BRD10: variants seen among roughly 807,000 people sequenced by gnomAD.
The protein encoded by BRD10 is bromodomain containing 10.
At chr9:5,988,394 C>T in the BRD10 span, 3 of 1,613,772 alleles carry the variant, frequency 1.9e-6, no homozygotes, top group Non-Finnish European at 2.5e-6. Context: ...AAAACTTGAA[C>T]CATTATAGAT....
At chr9:5,921,069 C>T in the BRD10 span, 1 of 1,613,934 alleles carries the variant, frequency 6.2e-7, no homozygotes, top group Non-Finnish European at 8.5e-7. Context: ...GAAGAAACCA[C>T]TGATTCATTA....
the BRD10 span, chr9:5,922,766 T>G: frequency 1.3e-5 from 21 of 1,613,974 alleles, no homozygotes; most frequent in Non-Finnish European, 1.5e-5. Flanking sequence ...ATTTTGAAGA[T>G]CTATTGGCAA....
At chr9:5,886,061 G>A in the BRD10 span, among the ~76,000 whole-genome samples, 544 of 152,340 alleles carry the variant, frequency 3.6e-3, 6 homozygotes, top group African/African-American at 0.012. Context: ...GACCGAAAGC[G>A]GAAGCCCGAG....
the BRD10 span, among the ~76,000 whole-genome samples, chr9:6,000,051 T>C: frequency 6.6e-6 from 1 of 152,180 alleles, no homozygotes; most frequent in Admixed American, 6.5e-5. Context: ...GTAATATGCT[T>C]ATTGTAGAAT....
At chr9:5,950,371 C>G in the BRD10 span, among the ~76,000 whole-genome samples, 8 of 152,186 alleles carry the variant, frequency 5.3e-5, no homozygotes, top group African/African-American at 1.4e-4. Flanking sequence ...ATTCAATCCT[C>G]ACAACTCTAC....
At chr9:5,983,282 C>A in the BRD10 span, among the ~76,000 whole-genome samples, 9 of 152,058 alleles carry the variant, frequency 5.9e-5, no homozygotes, top group Non-Finnish European at 1.2e-4. Context: ...TCAGACACAC[C>A]CTAAAACAGC....
At chr9:5,921,666 A>G in the BRD10 span, 67 of 1,613,772 alleles carry the variant, frequency 4.2e-5, 1 homozygote, top group Non-Finnish European at 4.2e-6. Flanking sequence ...TTTGTGATAT[A>G]ATCTACTTGT....
At chr9:5,995,023 C>G in the BRD10 span, among the ~76,000 whole-genome samples, 2 of 152,104 alleles carry the variant, frequency 1.3e-5, no homozygotes, top group African/African-American at 2.4e-5. Context: ...CCTCAGCCTC[C>G]TGAGTAGCTG....
chr9:5,950,877 T>C, the BRD10 span, among the ~76,000 whole-genome samples: 2 of 152,226 alleles, frequency 1.3e-5, no homozygotes, highest in East Asian at 1.9e-4. Context: ...CCTAATACAA[T>C]ATAGTTGTGA....
At chr9:5,943,578 A>C in the BRD10 span, among the ~76,000 whole-genome samples, 2 of 151,994 alleles carry the variant, frequency 1.3e-5, no homozygotes, top group South Asian at 4.1e-4. Flanking sequence ...GCTACAGAGT[A>C]AATGACATTT....
the BRD10 span, among the ~76,000 whole-genome samples, chr9:5,908,035 G>T: frequency 6.6e-6 from 1 of 152,170 alleles, no homozygotes; most frequent in Non-Finnish European, 1.5e-5. Context: ...ATACAACACA[G>T]CATAATGGTT....
chr9:5,884,805 T>C, the BRD10 span, among the ~76,000 whole-genome samples: 4 of 152,228 alleles, frequency 2.6e-5, no homozygotes, highest in Non-Finnish European at 4.4e-5. Flanking sequence ...TAGTCACAAA[T>C]GGCCATGGGA....
chr9:5,928,966 A>G, the BRD10 span: 1 of 723,838 alleles, frequency 1.4e-6, no homozygotes, highest in South Asian at 1.9e-5. Flanking sequence ...AAACTACTAA[A>G]TGATTCCAGG....
chr9:5,914,119 T>C, the BRD10 span: 9 of 431,930 alleles, frequency 2.1e-5, no homozygotes, highest in Admixed American at 2.4e-4. Context: ...GCAGTTTAAA[T>C]TTCAGGTTTT....
At chr9:5,925,041 A>C in the BRD10 span, among the ~76,000 whole-genome samples, 59 of 152,328 alleles carry the variant, frequency 3.9e-4, no homozygotes, top group Non-Finnish European at 7.4e-4. Context: ...TGGTATAGGC[A>C]TAAGAAACTT....
the BRD10 span, among the ~76,000 whole-genome samples, chr9:6,002,207 C>T: frequency 6.6e-6 from 1 of 152,188 alleles, no homozygotes; most frequent in Non-Finnish European, 1.5e-5. Flanking sequence ...CCCCCAAACC[C>T]TAGAACAAAA....
the BRD10 span, among the ~76,000 whole-genome samples, chr9:5,989,093 G>A: frequency 3.9e-5 from 6 of 151,914 alleles, no homozygotes; most frequent in East Asian, 1.9e-4. Context: ...AGCCGGGCGC[G>A]GTGGCGCATG....
chr9:5,990,269 AT>A, the BRD10 span, among the ~76,000 whole-genome samples: 3 of 152,314 alleles, frequency 2.0e-5, no homozygotes, highest in Admixed American at 6.5e-5. Flanking sequence ...TTAGTATAAT[AT>A]TTTTAGTAGG....
chr9:5,930,211 T>C, the BRD10 span, among the ~76,000 whole-genome samples: 1 of 151,578 alleles, frequency 6.6e-6, no homozygotes, highest in African/African-American at 2.4e-5. Context: ...ATTATATACG[T>C]TATGGGTCAC....
Sources: gnomAD v4.1 joint callset for allele counts (sites outside exome capture counted in the v4.1 genomes callset) on GRCh38, gnomAD v4.1.1 for gene constraint, MANE v1.5 for transcripts, NCBI Gene and HGNC (gene_info 2026-07-23, HGNC 2026-07-21) for gene names.